Variants in VPS13B observed in about 807,000 individuals in gnomAD.
VPS13B encodes the protein intermembrane lipid transfer protein VPS13B.
VPS13B carries 285 observed loss-of-function variants against 426.4 expected under a neutral mutation model. That is an observed-to-expected ratio of 0.67 (90% CI 0.61 to 0.74). The LOEUF (loss-of-function observed/expected upper bound fraction) is 0.74, where lower values mean the gene tolerates loss of function less well. VPS13B is among the 30% of genes least tolerant of loss of function. The probability of loss-of-function intolerance (pLI) is 0.00; values close to 1 mark genes in which losing one functional copy is unlikely to be tolerated. For synonymous variants in VPS13B, 1,676 were observed against 1,676.4 expected (o/e 1.00, Z 0.01); for missense variants, 4,537 against 4,782.6 (o/e 0.95, Z 1.51).
intron 2 of VPS13B, among the ~76,000 whole-genome samples, chr8:99,030,168 C>T (rs1842441583): frequency 9.2e-6 from 1 of 108,438 alleles, no homozygotes; most frequent in Admixed American, 1.0e-4. Context: ...TTAATAGTAT[C>T]CCATAGGCCC....
chr8:99,346,857 G>A (rs1307191370), intron 19 of VPS13B: 1 of 152,452 alleles, frequency 6.6e-6, no homozygotes, highest in Non-Finnish European at 1.5e-5. Flanking sequence ...TAAATCTCTT[G>A]GTTGAAGTTG....
At chr8:99,657,470 T>TGTGTGTGTGTGTGTG (rs60760111) in intron 34 of VPS13B, among the ~76,000 whole-genome samples, 15,504 of 146,922 alleles carry the variant, frequency 0.11, 979 homozygotes, top group African/African-American at 0.16. Context: ...ACTTTAAAAA[T>TGTGTGTGTGTGTGTG]TGTGTGTGTG....
At position 99,575,645 on chromosome 8, in the gene VPS13B, C is replaced by T. The variant is rs769194188; in HGVS notation, c.4950-13C>T. 1 of 1,613,458 alleles carries T rather than the reference C, an allele frequency of 6.2e-7. No individual in the cohort carries two copies. Among genetic ancestry groups the T allele is most frequent in the African/African-American group, 1.3e-5 (1 of 74,876 alleles). On this transcript the variant is annotated splice_polypyrimidine_tract_variant and intron_variant, in intron 31 of 61. Coordinates refer to ENST00000357162, the MANE Select transcript of VPS13B (RefSeq NM_152564.5). ...TAATGAAATGGCTAATAATCTTTTA[C>T]TCTATCTTTTAGCATACGGCGGCAT...
chr8:99,301,362 C>T (rs1820357335), intron 19 of VPS13B, among the ~76,000 whole-genome samples: 1 of 149,408 alleles, frequency 6.7e-6, no homozygotes, highest in Admixed American at 6.7e-5. Context: ...GGCGCAATCT[C>T]GGCTCACCGC....
At chr8:99,148,641 A>G (rs936789204) in intron 14 of VPS13B, among the ~76,000 whole-genome samples, 1 of 152,112 alleles carries the variant, frequency 6.6e-6, no homozygotes, top group Non-Finnish European at 1.5e-5. Context: ...AAACAATTGT[A>G]TTTTTTCAAG....
At chr8:99,094,385 A>G (rs888657988) in intron 3 of VPS13B, among the ~76,000 whole-genome samples, 4 of 152,234 alleles carry the variant, frequency 2.6e-5, no homozygotes, top group African/African-American at 4.8e-5. Flanking sequence ...TATTCACAGT[A>G]GTAGTCTTTT....
chr8:99,131,260 T>A (rs563545799), intron 8 of VPS13B, among the ~76,000 whole-genome samples: 65 of 152,336 alleles, frequency 4.3e-4, no homozygotes, highest in African/African-American at 1.5e-3. Context: ...AAGGCTTCAT[T>A]GATGCATTAC....
Position 99,545,375 on chromosome 8 carries a change from C to T in VPS13B, c.4746-11075C>T, listed in dbSNP as rs193190698. Among the ~76,000 whole-genome samples, 294 of 152,214 alleles carry T rather than the reference C, an allele frequency of 1.9e-3. 3 individuals carry two copies. The highest frequency in any genetic ancestry group is 6.8e-3 in the African/African-American group (284 of 41,574). ...GATAGTGGAAATTTCTGTATCTGCA[C>T]TAATACAGTAGCCATTATCTACTGT... is the stretch of plus-strand genomic sequence containing the variant. On this transcript the variant is annotated intron_variant, in intron 30 of 61. Coordinates refer to ENST00000357162, the MANE Select transcript of VPS13B (RefSeq NM_152564.5).
chr8:99,478,316 A>G (rs1258375415), intron 24 of VPS13B, among the ~76,000 whole-genome samples: 1 of 150,534 alleles, frequency 6.6e-6, no homozygotes, highest in East Asian at 1.9e-4. Flanking sequence ...TATGTTGATC[A>G]GTTTGCTGTA....
intron 17 of VPS13B, among the ~76,000 whole-genome samples, chr8:99,198,868 C>G (rs868096449): frequency 6.6e-6 from 1 of 152,004 alleles, no homozygotes; most frequent in South Asian, 2.1e-4. Context: ...AAACCTCATT[C>G]TGTGCTTTGT....
chr8:99,775,489 T>A (rs1403271099), intron 40 of VPS13B, among the ~76,000 whole-genome samples: 3 of 152,240 alleles, frequency 2.0e-5, no homozygotes, highest in African/African-American at 4.8e-5. Flanking sequence ...CCAGGTCTCG[T>A]GCTCCTGTTA....
At chr8:99,662,511 A>G (rs557503878) in intron 35 of VPS13B, among the ~76,000 whole-genome samples, 1 of 152,142 alleles carries the variant, frequency 6.6e-6, no homozygotes, top group South Asian at 2.1e-4. Flanking sequence ...CAGTCGTGCA[A>G]TCATAGCTCC....
intron 3 of VPS13B, 91 bp downstream of exon 3, chr8:99,038,657 T>A: frequency 2.6e-6 from 2 of 774,270 alleles, no homozygotes; most frequent in Non-Finnish European, 4.2e-6. Context: ...AACTGTTACA[T>A]AAACATATCT....
chr8:99,618,259 A>G (rs1828192039), intron 33 of VPS13B, among the ~76,000 whole-genome samples: 1 of 150,716 alleles, frequency 6.6e-6, no homozygotes, highest in African/African-American at 2.4e-5. Context: ...TTTCCTTTAT[A>G]ATAATTCTTC....
At chr8:99,332,509 G>C (rs919120798) in intron 19 of VPS13B, among the ~76,000 whole-genome samples, 2 of 151,422 alleles carry the variant, frequency 1.3e-5, no homozygotes, top group African/African-American at 4.8e-5. Context: ...AATTAATTCA[G>C]TACATTCTCT....
Position 99,081,772 on chromosome 8 carries a change from C to A in VPS13B, c.292-14540C>A, listed in dbSNP as rs1241120853. On this transcript the variant is annotated intron_variant, in intron 3 of 61. Transcript: ENST00000357162. ...TGATGGTTTCCAACTTCATCCATGT[C>A]CCTACAAAGGACATTAACTCATCAT... Among the ~76,000 whole-genome samples the A allele has an allele frequency of 7.2e-5, 11 of 152,160 alleles. No individual in the cohort carries two copies. The South Asian group carries it at 2.3e-3, about 32-fold the overall frequency.
At chr8:99,070,632 T>C (rs1844805474) in intron 3 of VPS13B, among the ~76,000 whole-genome samples, 2 of 152,202 alleles carry the variant, frequency 1.3e-5, no homozygotes, top group Admixed American at 6.5e-5. Context: ...ATATATTATC[T>C]ATAGGTTTCC....
intron 50 of VPS13B, among the ~76,000 whole-genome samples, chr8:99,822,600 T>C (rs565244798): frequency 3.6e-4 from 55 of 152,232 alleles, no homozygotes; most frequent in Non-Finnish European, 4.9e-4. Context: ...AAGTGTTGAA[T>C]AAATGTTTGT....
chr8:99,220,357 A>G lies in VPS13B; in HGVS notation c.2515+27300A>G, dbSNP rs117548439. ...TTACTCTCTTAGGCCAAGTATAATTACTGATGGTTTGGCATGTTAATTTAA... is the reference window on the plus strand; with the variant it reads ...TTACTCTCTTAGGCCAAGTATAATTGCTGATGGTTTGGCATGTTAATTTAA... On this transcript the variant is annotated intron_variant, in intron 17 of 61. Coordinates refer to ENST00000357162, the MANE Select transcript of VPS13B (RefSeq NM_152564.5). Among the ~76,000 whole-genome samples the G allele has an allele frequency of 9.2e-3, 1,403 of 152,330 alleles. 10 individuals are homozygous for G. The highest frequency in any genetic ancestry group is 0.013 in the Non-Finnish European group (911 of 68,030).
Sources: gnomAD v4.1 joint callset for allele counts (sites outside exome capture counted in the v4.1 genomes callset) on GRCh38, gnomAD v4.1.1 for gene constraint, MANE v1.5 for transcripts, NCBI Gene and HGNC (gene_info 2026-07-23, HGNC 2026-07-21) for gene names.